Variants in ASB18 observed in about 807,000 individuals in gnomAD.
The protein encoded by ASB18 is ankyrin repeat and SOCS box protein 18.
Under a neutral mutation model 33.4 loss-of-function variants are expected in ASB18, and 33 were observed. The ratio of observed to expected loss-of-function variants is 0.99; its 90% CI spans 0.75 to 1.32. ASB18 has a LOEUF of 1.32. Ranked by LOEUF, ASB18 falls within the 40% of genes most tolerant of loss-of-function variation. ASB18 has a pLI of 0.00. For missense variants in ASB18, 694 were observed against 655.5 expected (o/e 1.06, Z -0.64); for synonymous variants, 295 against 307.6 (o/e 0.96, Z 0.43).
chr2:236,220,822 C>A lies in ASB18; in HGVS notation c.597-5956G>T, dbSNP rs2106271767. Among the ~76,000 whole-genome samples, 1 of 152,228 alleles carries A rather than the reference C, an allele frequency of 6.6e-6. No homozygotes were observed. The highest frequency in any genetic ancestry group is 3.4e-3 in the Middle Eastern group (1 of 294). The stretch of plus-strand genomic sequence containing the variant: ...GCGTTTTCCACAAGTTATGAGTGAC[C>A]TTTTCATTCATTCAATAAGCAGAGA... On this transcript the variant is annotated intron_variant, in intron 3 of 5. Coordinates refer to ENST00000409749, the MANE Select transcript of ASB18 (RefSeq NM_212556.4). This position sits in a 1 kb window ranked among gnomAD's most constrained non-coding sequence, Gnocchi z 5.1.
In ASB18 at chr2:236,238,112, A is replaced by G. The variant is rs963756354; in HGVS notation, c.329-156T>C. On this transcript the variant is annotated intron_variant, in intron 2 of 5. Coordinates refer to ENST00000409749, the MANE Select transcript of ASB18 (RefSeq NM_212556.4). This position sits in a 1 kb window ranked among gnomAD's most constrained non-coding sequence, Gnocchi z 5.2. ...AGAGGATAGAATCAGAGACGCACAC[A>G]GAGACAGAGAGCAGAGAGACACACT... is the stretch of plus-strand genomic sequence containing the variant. Among the ~76,000 whole-genome samples the G allele has an allele frequency of 1.3e-5, 2 of 152,178 alleles. No homozygotes were observed. Among genetic ancestry groups the G allele is most frequent in the Non-Finnish European group, 2.9e-5 (2 of 68,022 alleles).
intron 4 of ASB18, among the ~76,000 whole-genome samples, chr2:236,197,922 T>G (rs759065983): frequency 6.6e-6 from 1 of 152,172 alleles, no homozygotes; most frequent in African/African-American, 2.4e-5. Context: ...TTGCCAAGTG[T>G]TGTATAATCG....
chr2:236,237,541 C>T lies in ASB18; in HGVS notation c.596+148G>A. 1.8e-6 allele frequency: 1 copy of T among 554,848 alleles called. No individual in the cohort carries two copies. The highest frequency in any genetic ancestry group is 4.3e-5 in the South Asian group (1 of 23,220). 34.4% of individuals were successfully genotyped at this position (554,848 alleles called of 1,614,324 possible). A position where few individuals can be genotyped will look rare whatever the true frequency, so the allele number is the denominator to read the frequency against. On this transcript the variant is annotated intron_variant, in intron 3 of 5. Coordinates refer to ENST00000409749, the MANE Select transcript of ASB18 (RefSeq NM_212556.4). This position sits in a 1 kb window ranked among gnomAD's most constrained non-coding sequence, Gnocchi z 6.2. The stretch of plus-strand genomic sequence containing the variant: ...ACGGGGCGGATGCGGGTCTGGGGAT[C>T]CAGTGGGCAGAGTCAAGGGTGCAGG...
rs1055356016 is a variant in ASB18 at position 236,256,058 on chromosome 2, G to A, written c.205+8083C>T. On this transcript the variant is annotated intron_variant, in intron 1 of 5. Transcript: ENST00000409749. The surrounding 1 kb of genome is among the most constrained non-coding windows in gnomAD (Gnocchi z 4.7). ...TGTATTCATTTGTTTTTTGGAGACCGGCTCTCACTGTTGCCAGGTTGGAGT... is the reference window on the plus strand; with the variant it reads ...TGTATTCATTTGTTTTTTGGAGACCAGCTCTCACTGTTGCCAGGTTGGAGT... Among the ~76,000 whole-genome samples the A allele has an allele frequency of 3.3e-5, 5 of 151,334 alleles. No homozygotes were observed. Among genetic ancestry groups the A allele is most frequent in the Admixed American group, 2.6e-4 (4 of 15,186 alleles).
intron 1 of ASB18, among the ~76,000 whole-genome samples, chr2:236,243,953 A>C (rs111285736): frequency 8.3e-4 from 127 of 152,158 alleles, no homozygotes; most frequent in African/African-American, 2.9e-3. Context: ...CAGCCTCCTG[A>C]GTAGCTAGGA....
rs1428871696 is a variant in ASB18, at chr2:236,196,203, C to T, written c.1215+69G>A. On this transcript the variant is annotated intron_variant, in intron 5 of 5. Coordinates refer to ENST00000409749, the MANE Select transcript of ASB18 (RefSeq NM_212556.4). This position sits in a 1 kb window ranked among gnomAD's most constrained non-coding sequence, Gnocchi z 5.6. ...CTTAGCCGAATATCAGTGCAAAACT[C>T]CCCATGCAAAGAAGCAAAAACAGAC... 1.2e-6 allele frequency: 1 copy of T among 801,186 alleles called. No homozygotes were observed. Among genetic ancestry groups the T allele is most frequent in the Admixed American group, 2.0e-5 (1 of 50,074 alleles). 49.6% of individuals were successfully genotyped at this position (801,186 alleles called of 1,614,324 possible). A position where few individuals can be genotyped will look rare whatever the true frequency, so the allele number is the denominator to read the frequency against.
Position 236,213,547 on chromosome 2 carries a change from T to G in ASB18, c.1101+815A>C, listed in dbSNP as rs376395468. On this transcript the variant is annotated intron_variant, in intron 4 of 5. Coordinates refer to ENST00000409749, the MANE Select transcript of ASB18 (RefSeq NM_212556.4). The surrounding 1 kb of genome is among the most constrained non-coding windows in gnomAD (Gnocchi z 4.8). Reference sequence around the variant, plus strand: ...ATCTAATGGAATGACTTCCCTTCAATGAAGTCTTTTCGGGAGGACAACCTG... The same window carrying G: ...ATCTAATGGAATGACTTCCCTTCAAGGAAGTCTTTTCGGGAGGACAACCTG... 2.0e-5 allele frequency: 3 copies of G among 152,234 alleles called. No homozygotes were observed. The East Asian group carries it at 5.8e-4, about 29-fold the overall frequency. 9.4% of individuals were successfully genotyped at this position (152,234 alleles called of 1,614,324 possible).
chr2:236,199,476 C>T (rs574740285), intron 4 of ASB18, among the ~76,000 whole-genome samples: 1 of 148,944 alleles, frequency 6.7e-6, no homozygotes, highest in Non-Finnish European at 1.5e-5. Context: ...ATAAAACAGG[C>T]CCTATTTGGC....
In ASB18 at chr2:236,263,560, A is replaced by T. The variant is rs149478366; in HGVS notation, c.205+581T>A. Among the ~76,000 whole-genome samples the T allele has an allele frequency of 6.6e-6, 1 of 152,234 alleles. No homozygotes were observed. Among genetic ancestry groups the T allele is most frequent in the Admixed American group, 6.5e-5 (1 of 15,282 alleles). On this transcript the variant is annotated intron_variant, in intron 1 of 5. Transcript: ENST00000409749. The surrounding 1 kb of genome is among the most constrained non-coding windows in gnomAD (Gnocchi z 4.0). The stretch of plus-strand genomic sequence containing the variant: ...TTTAGAAACAATACAATTTGAAAAA[A>T]TGTTATGTTCTTGTTCCAGTTATAT...
rs534992727 is a variant in ASB18, at chr2:236,204,318, A to G, written c.1102-7933T>C. On this transcript the variant is annotated intron_variant, in intron 4 of 5. Transcript: ENST00000409749. This position sits in a 1 kb window ranked among gnomAD's most constrained non-coding sequence, Gnocchi z 5.1. ...CATGTTGACGATGTCTTCCACCTCA[A>G]TGCAGCCTTCACTTGGCTTTGAGGA... is the stretch of plus-strand genomic sequence containing the variant. Among the ~76,000 whole-genome samples the G allele has an allele frequency of 1.3e-4, 20 of 152,198 alleles. No individual in the cohort carries two copies. The highest frequency in any genetic ancestry group is 4.8e-4 in the African/African-American group (20 of 41,532).
Position 236,252,521 on chromosome 2 carries a change from C to T in ASB18, c.206-11119G>A, listed in dbSNP as rs530744149. 1.0e-3 allele frequency among the ~76,000 whole-genome samples: 154 copies of T among 152,186 alleles called. No homozygotes were observed. Among genetic ancestry groups the T allele is most frequent in the African/African-American group, 3.6e-3 (148 of 41,526 alleles). On this transcript the variant is annotated intron_variant, in intron 1 of 5. Transcript: ENST00000409749. The surrounding 1 kb of genome is among the most constrained non-coding windows in gnomAD (Gnocchi z 7.9). ...CAAAGTGACAGGGAGGTGTAGGACA[C>T]GGAAGGTGCATTTCCTCCCCAGGAT...
intron 4 of ASB18, among the ~76,000 whole-genome samples, chr2:236,206,803 C>T (rs1236798289): frequency 2.0e-5 from 3 of 152,092 alleles, no homozygotes; most frequent in Non-Finnish European, 2.9e-5. Context: ...TAGAGATTAG[C>T]GAAATAGAAA....
Position 236,251,459 on chromosome 2 carries a change from TG to T in ASB18, c.206-10058del, listed in dbSNP as rs1218777777. ...AGACAAATTGCGTGTTCAGACTGAT[TG>T]TTTTTTATGAATCTCACACAGGGAG... On this transcript the variant is annotated intron_variant, in intron 1 of 5. Transcript: ENST00000409749. The surrounding 1 kb of genome is among the most constrained non-coding windows in gnomAD (Gnocchi z 5.3). Among the ~76,000 whole-genome samples, 1 of 152,254 alleles carries T rather than the reference TG, an allele frequency of 6.6e-6. No individual in the cohort carries two copies. The highest frequency in any genetic ancestry group is 1.5e-5 in the Non-Finnish European group (1 of 68,052).
rs1327117292 is a variant in ASB18 at position 236,228,602 on chromosome 2, G to A, written c.596+9087C>T. Among the ~76,000 whole-genome samples the A allele has an allele frequency of 6.6e-6, 1 of 152,142 alleles. No individual in the cohort carries two copies. Among genetic ancestry groups the A allele is most frequent in the Non-Finnish European group, 1.5e-5 (1 of 68,030 alleles). The stretch of plus-strand genomic sequence containing the variant: ...TTGTGTGCATAGAGGTTGAGAGTGT[G>A]GGCTGGTGGATTTCTACCAGAAAGT... On this transcript the variant is annotated intron_variant, in intron 3 of 5. Transcript: ENST00000409749. The surrounding 1 kb of genome is among the most constrained non-coding windows in gnomAD (Gnocchi z 5.1).
In ASB18 at chr2:236,226,673, T is replaced by C. The variant is rs1479843044; in HGVS notation, c.596+11016A>G. ...CCAAATGTAAGCTTGTTGGCGTCTCTTCAGCAGTGTTGCAATGATTCACAG... is the reference window on the plus strand; with the variant it reads ...CCAAATGTAAGCTTGTTGGCGTCTCCTCAGCAGTGTTGCAATGATTCACAG... On this transcript the variant is annotated intron_variant, in intron 3 of 5. Transcript: ENST00000409749. This position sits in a 1 kb window ranked among gnomAD's most constrained non-coding sequence, Gnocchi z 4.8. 6.6e-6 allele frequency among the ~76,000 whole-genome samples: 1 copy of C among 152,202 alleles called. No homozygotes were observed. The highest frequency in any genetic ancestry group is 2.4e-5 in the African/African-American group (1 of 41,462).
chr2:236,240,846 G>T (rs921809985), intron 2 of ASB18, among the ~76,000 whole-genome samples: 2 of 152,216 alleles, frequency 1.3e-5, no homozygotes. Flanking sequence ...TACTGATGCT[G>T]GCTGTGCCCC....
Position 236,237,708 on chromosome 2 carries a change from G to T in ASB18, c.577C>A (p.Arg193Ser), listed in dbSNP as rs1425131935. The change falls in exon 3 of 6, where the codon CGC becomes AGC. Residue 193 changes from arginine (R) to serine (S), a missense_variant. Coordinates refer to ENST00000409749, the MANE Select transcript of ASB18 (RefSeq NM_212556.4). The surrounding 1 kb of genome is among the most constrained non-coding windows in gnomAD (Gnocchi z 6.2). ...AEGLAPLHLC[R>S]TAASLGCAQA... ...CCTTACCCGAGCGAGGCGGCCGTGC[G>T]GCAGAGGTGCAGAGGCGCCAGGCCC... 5 of 1,457,168 alleles carry T rather than the reference G, an allele frequency of 3.4e-6. No homozygotes were observed. The highest frequency in any genetic ancestry group is 3.6e-6 in the Non-Finnish European group (4 of 1,110,794). The allele number at this position is 1,457,168 out of a possible 1,614,324, so 90.3% of individuals were successfully genotyped here.
rs753088712 is a variant in ASB18 at position 236,241,520 on chromosome 2, T to A, written c.206-118A>T. The A allele has an allele frequency of 8.1e-6, 10 of 1,228,804 alleles. No individual in the cohort carries two copies. The highest frequency in any genetic ancestry group is 1.2e-5 in the Non-Finnish European group (10 of 852,796). 76.1% of individuals were successfully genotyped at this position (1,228,804 alleles called of 1,614,324 possible). ...CTCACTGGCCCTGGCTGTCTCTCCA[T>A]TGAGATGCCGTCGATTTCAGAAGAG... is the stretch of plus-strand genomic sequence containing the variant. On this transcript the variant is annotated intron_variant, in intron 1 of 5. Transcript: ENST00000409749. This position sits in a 1 kb window ranked among gnomAD's most constrained non-coding sequence, Gnocchi z 4.2.
Position 236,239,286 on chromosome 2 carries a change from C to T in ASB18, c.329-1330G>A, listed in dbSNP as rs1039619672. Among the ~76,000 whole-genome samples, 1 of 152,076 alleles carries T rather than the reference C, an allele frequency of 6.6e-6. No homozygotes were observed. The highest frequency in any genetic ancestry group is 2.4e-5 in the African/African-American group (1 of 41,406). On this transcript the variant is annotated intron_variant, in intron 2 of 5. Coordinates refer to ENST00000409749, the MANE Select transcript of ASB18 (RefSeq NM_212556.4). This position sits in a 1 kb window ranked among gnomAD's most constrained non-coding sequence, Gnocchi z 5.6. ...GGGAAATGCTAAATCCCCAACCCAG[C>T]CCCACCCTACCCTAGCGCTCAGTAA...
Sources: gnomAD v4.1 joint callset for allele counts (sites outside exome capture counted in the v4.1 genomes callset) on GRCh38, gnomAD v4.1.1 for gene constraint, Gnocchi (gnomAD v3.1) non-coding constraint, MANE v1.5 for transcripts, NCBI Gene and HGNC (gene_info 2026-07-23, HGNC 2026-07-21) for gene names.